Variants in CD46 observed in about 807,000 individuals in gnomAD.
CD46 encodes membrane cofactor protein.
Under a neutral mutation model 53.3 loss-of-function variants are expected in CD46, and 30 were observed. The ratio of observed to expected loss-of-function variants is 0.56; its 90% CI spans 0.42 to 0.76. The LOEUF (loss-of-function observed/expected upper bound fraction) is 0.76, where lower values mean the gene tolerates loss of function less well. CD46 is among the 30% of genes least tolerant of loss of function. The pLI is 0.00. For missense variants in CD46, 409 were observed against 463.0 expected (o/e 0.88, Z 1.07); for synonymous variants, 142 against 152.0 (o/e 0.93, Z 0.48).
At chr1:207,776,893 C>T (rs1658176838) in intron 8 of CD46, among the ~76,000 whole-genome samples, 1 of 152,238 alleles carries the variant, frequency 6.6e-6, no homozygotes, top group Non-Finnish European at 1.5e-5. Flanking sequence ...GCCTCAGCTT[C>T]CCAAAGTGCT....
chr1:207,766,920 C>A, intron 5 of CD46, 93 bp from the exon 6 acceptor site: 1 of 968,798 alleles, frequency 1.0e-6, no homozygotes, highest in East Asian at 2.5e-5. Flanking sequence ...CATTCCATTC[C>A]TTGTCTCTGT....
intron 5 of CD46, among the ~76,000 whole-genome samples, chr1:207,761,776 T>G (rs1383700531): frequency 6.6e-6 from 1 of 151,616 alleles, no homozygotes; most frequent in Non-Finnish European, 1.5e-5. Flanking sequence ...ACAAGAAATC[T>G]AAGAGTTCTG....
chr1:207,792,102 C>G lies in CD46; in HGVS notation c.*42-1417C>G, dbSNP rs201733194. ...ACCAGGTTGGCCAAAATGGTGAAAC[C>G]CTGTTTCTACTAAAAATACAAACAT... On this transcript the variant is annotated intron_variant, in intron 12 of 12. Transcript: ENST00000367042. 1.6e-4 allele frequency among the ~76,000 whole-genome samples: 25 copies of G among 152,092 alleles called. No homozygotes were observed. The East Asian group carries it at 2.7e-3, about 16-fold the overall frequency.
At chr1:207,773,841 GA>G (rs1326925785) in intron 8 of CD46, among the ~76,000 whole-genome samples, 1 of 152,228 alleles carries the variant, frequency 6.6e-6, no homozygotes, top group Non-Finnish European at 1.5e-5. Context: ...ATGTGGTGCT[GA>G]GAAGAATGTA....
rs577869199 is a variant in CD46, at chr1:207,756,219, C to T, written c.98-795C>T. On this transcript the variant is annotated intron_variant, in intron 1 of 12. Coordinates refer to ENST00000367042, the MANE Select transcript of CD46 (RefSeq NM_172351.3). ...ACCAAGATGTGACACTACTGGACTG[C>T]CAAGCTATTCAGTGTGGCAGAGTAG... Among the ~76,000 whole-genome samples the T allele has an allele frequency of 5.9e-5, 9 of 152,188 alleles. No homozygotes were observed. In the East Asian group the frequency reaches 7.7e-4, roughly 13 times the overall value.
chr1:207,752,403 G>T lies in CD46; in HGVS notation c.97+94G>T. The T allele has an allele frequency of 8.4e-7, 1 of 1,187,852 alleles. No individual in the cohort carries two copies. Among genetic ancestry groups the T allele is most frequent in the Non-Finnish European group, 1.3e-6 (1 of 798,516 alleles). 73.6% of individuals were successfully genotyped at this position (1,187,852 alleles called of 1,614,324 possible). ...CGGGGCGGGGCTCACAGCAGGCCGT[G>T]CCTGTTTGGGGACAGGGTTCTCTGA... On this transcript the variant is annotated intron_variant, in intron 1 of 12. Transcript: ENST00000367042. This position sits in a 1 kb window ranked among gnomAD's most constrained non-coding sequence, Gnocchi z 4.1.
At chr1:207,790,119 C>G in intron 11 of CD46, 134 bp from the exon 12 acceptor site, 1 of 684,360 alleles carries the variant, frequency 1.5e-6, no homozygotes, top group East Asian at 2.6e-5. Flanking sequence ...ATGAGAAAGT[C>G]TTAAGTTATG....
chr1:207,777,456 ATAGT>A (rs1478505884), intron 8 of CD46, among the ~76,000 whole-genome samples: 29 of 152,108 alleles, frequency 1.9e-4, no homozygotes, highest in Non-Finnish European at 3.2e-4. Context: ...CTAGTACCCA[ATAGT>A]TACCTTTTCT....
chr1:207,761,001 G>C (rs1656132125), intron 4 of CD46: 1 of 470,980 alleles, frequency 2.1e-6, no homozygotes, highest in South Asian at 2.2e-5. Flanking sequence ...TGGGGACACA[G>C]ATCCAAACCA....
chr1:207,772,121 C>A (rs944591799), intron 8 of CD46, among the ~76,000 whole-genome samples: 1 of 152,154 alleles, frequency 6.6e-6, no homozygotes, highest in Non-Finnish European at 1.5e-5. Context: ...ACATCCATCC[C>A]TTGTAAGTTG....
chr1:207,765,419 A>G (rs546941942), intron 5 of CD46, among the ~76,000 whole-genome samples: 136 of 152,180 alleles, frequency 8.9e-4, no homozygotes, highest in Non-Finnish European at 1.2e-3. Flanking sequence ...CTTAGTGGTT[A>G]AAAAAACCTT....
At chr1:207,765,078 T>C (rs1381273050) in intron 5 of CD46, among the ~76,000 whole-genome samples, 1 of 152,014 alleles carries the variant, frequency 6.6e-6, no homozygotes, top group African/African-American at 2.4e-5. Context: ...CTGTGATACA[T>C]AAAAAGAAAA....
At chr1:207,779,509 G>A (rs1181682555) in intron 8 of CD46, among the ~76,000 whole-genome samples, 4 of 151,978 alleles carry the variant, frequency 2.6e-5, no homozygotes. Context: ...TCCTATCAGA[G>A]GTCATTTATA....
intron 7 of CD46, chr1:207,769,978 C>G: frequency 4.1e-6 from 1 of 243,092 alleles, no homozygotes; most frequent in Non-Finnish European, 8.1e-6. Flanking sequence ...GATGGCCTGG[C>G]TAGTCTCGAA....
At chr1:207,776,356 G>C (rs1385545205) in intron 8 of CD46, among the ~76,000 whole-genome samples, 1 of 152,176 alleles carries the variant, frequency 6.6e-6, no homozygotes, top group Non-Finnish European at 1.5e-5. Flanking sequence ...GCCCTCCGTG[G>C]GCTGCACTCA....
At chr1:207,770,113 TAC>T in intron 7 of CD46, 1 of 554,516 alleles carries the variant, frequency 1.8e-6, no homozygotes, top group East Asian at 3.2e-5. Flanking sequence ...CATTATAAAA[TAC>T]AGAGTGTGGT....
intron 5 of CD46, among the ~76,000 whole-genome samples, chr1:207,762,218 T>C (rs375350499): frequency 1.2e-4 from 19 of 152,148 alleles, no homozygotes; most frequent in East Asian, 9.6e-4. Flanking sequence ...TTGAATTGAA[T>C]AAAAACACAA....
intron 1 of CD46, among the ~76,000 whole-genome samples, chr1:207,756,656 C>T (rs752688204): frequency 6.6e-6 from 1 of 152,162 alleles, no homozygotes; most frequent in Non-Finnish European, 1.5e-5. Context: ...GAGCAGAGTA[C>T]TCTATACTGT....
At chr1:207,769,705 A>G (rs1478049103) in intron 7 of CD46, 1 of 152,336 alleles carries the variant, frequency 6.6e-6, no homozygotes, top group Non-Finnish European at 1.5e-5. Context: ...GATGTAAATT[A>G]TGTAGTATCA....
Sources: allele counts gnomAD v4.1 joint callset (sites outside exome capture counted in the v4.1 genomes callset), GRCh38; gene constraint gnomAD v4.1.1; non-coding constraint Gnocchi (gnomAD v3.1); transcripts MANE v1.5; gene names NCBI Gene and HGNC (gene_info 2026-07-23, HGNC 2026-07-21).